PCDHGB2: variants seen among roughly 807,000 people sequenced by gnomAD.
The protein encoded by PCDHGB2 is protocadherin gamma-B2.
A neutral mutation model predicts 59.3 loss-of-function variants in PCDHGB2; 55 were observed. That is an observed-to-expected ratio of 0.93 (90% CI 0.75 to 1.16). The LOEUF (loss-of-function observed/expected upper bound fraction) is 1.16, where lower values mean the gene tolerates loss of function less well. PCDHGB2 is among the 50% of genes most tolerant of loss of function. The pLI, the probability that PCDHGB2 is intolerant of heterozygous loss-of-function variation, is 0.00. For synonymous variants in PCDHGB2, 516 were observed against 512.0 expected (o/e 1.01, Z -0.11); for missense variants, 1,228 against 1,198.5 (o/e 1.02, Z -0.36).
chr5:141,404,555 A>G (rs751841732), intron 1 of PCDHGB2: 1 of 1,613,802 alleles, frequency 6.2e-7, no homozygotes, highest in African/African-American at 1.3e-5. Flanking sequence ...GGTGACGGCA[A>G]GTGACAGTGG....
intron 1 of PCDHGB2, chr5:141,383,176 G>A: frequency 6.2e-7 from 1 of 1,614,122 alleles, no homozygotes; most frequent in Non-Finnish European, 8.5e-7. Flanking sequence ...GATAGACCGG[G>A]AAGAGATCTG....
chr5:141,423,009 G>T (rs371209178), intron 1 of PCDHGB2: 3 of 1,614,222 alleles, frequency 1.9e-6, no homozygotes, highest in Non-Finnish European at 2.5e-6. Context: ...AGGTGGTTGC[G>T]GTGGACAAAG....
chr5:141,424,786 T>G (rs1219509852), intron 1 of PCDHGB2: 1 of 152,210 alleles, frequency 6.6e-6, no homozygotes, highest in Non-Finnish European at 1.5e-5. Flanking sequence ...ATTCAGTTCT[T>G]TTATTCAGAC....
intron 1 of PCDHGB2, chr5:141,418,409 G>A (rs2096254230): frequency 6.2e-7 from 1 of 1,613,792 alleles, no homozygotes; most frequent in African/African-American, 1.3e-5. Context: ...GGTGGAGAAA[G>A]ACAATCCTGA....
intron 1 of PCDHGB2, chr5:141,414,831 G>A (rs1230752323): frequency 1.9e-6 from 3 of 1,614,212 alleles, no homozygotes; most frequent in Admixed American, 1.7e-5. Flanking sequence ...ACGTGTCGTT[G>A]AGCCTGTTTG....
chr5:141,402,979 C>G (rs372858164), intron 1 of PCDHGB2: 9 of 1,608,716 alleles, frequency 5.6e-6, no homozygotes, highest in Non-Finnish European at 7.6e-6. Flanking sequence ...AATGCCAGCT[C>G]CGCGGAAGAT....
intron 1 of PCDHGB2, chr5:141,376,053 C>A (rs1453617614): frequency 6.2e-7 from 1 of 1,613,372 alleles, no homozygotes; most frequent in African/African-American, 1.3e-5. Flanking sequence ...CTCTCCGCCA[C>A]TGTCACGCTC....
rs1308866536 is a variant in PCDHGB2 at position 141,464,896 on chromosome 5, GT to G, written c.2422-29910del. On this transcript the variant is annotated intron_variant, in intron 1 of 3. Coordinates refer to ENST00000522605, the MANE Select transcript of PCDHGB2 (RefSeq NM_018923.3). ...TAGGACTACAGATGGATGCCACCAT[GT>G]CCAGCTAATTTTTTTATTTTTTTGT... 2.0e-5 allele frequency among the ~76,000 whole-genome samples: 3 copies of G among 151,672 alleles called. No homozygotes were observed. The East Asian group carries it at 5.8e-4, about 30-fold the overall frequency.
At chr5:141,385,369 G>T in intron 1 of PCDHGB2, 1 of 1,532,174 alleles carries the variant, frequency 6.5e-7, no homozygotes, top group Admixed American at 2.2e-5. Context: ...TTATTTGCAT[G>T]ATATTTCTCT....
intron 1 of PCDHGB2, chr5:141,403,041 A>T: frequency 6.2e-7 from 1 of 1,614,084 alleles, no homozygotes; most frequent in Non-Finnish European, 8.5e-7. Flanking sequence ...AGGGCCAGTC[A>T]GATTCGCTAC....
intron 1 of PCDHGB2, among the ~76,000 whole-genome samples, chr5:141,492,090 C>T (rs751238997): frequency 1.4e-4 from 21 of 152,258 alleles, no homozygotes; most frequent in Admixed American, 6.5e-5. Flanking sequence ...GCACGCTTCG[C>T]CGGTCTGTAG....
intron 1 of PCDHGB2, among the ~76,000 whole-genome samples, chr5:141,439,076 C>G (rs1358035789): frequency 6.6e-6 from 1 of 151,590 alleles, no homozygotes; most frequent in East Asian, 2.0e-4. Context: ...GCCTGTAATC[C>G]CAGCTACTCA....
At chr5:141,408,936 A>T in intron 1 of PCDHGB2, 4 of 1,613,548 alleles carry the variant, frequency 2.5e-6, no homozygotes, top group Non-Finnish European at 1.7e-6. Flanking sequence ...TTCAGCAGAG[A>T]CGAATATAGA....
At chr5:141,365,669 G>A (rs1304025932) in intron 1 of PCDHGB2, 2 of 1,613,344 alleles carry the variant, frequency 1.2e-6, no homozygotes, top group Admixed American at 3.3e-5. Flanking sequence ...AGACGTTAAT[G>A]ACAACCCACC....
At chr5:141,482,205 C>T (rs1478729653) in intron 1 of PCDHGB2, among the ~76,000 whole-genome samples, 1 of 151,896 alleles carries the variant, frequency 6.6e-6, no homozygotes, top group Non-Finnish European at 1.5e-5. Context: ...TAAAACAGAC[C>T]AGGTACTTGT....
chr5:141,485,887 C>T lies in PCDHGB2; in HGVS notation c.2422-8920C>T. 1 of 1,614,098 alleles carries T rather than the reference C, an allele frequency of 6.2e-7. No homozygotes were observed. On this transcript the variant is annotated intron_variant, in intron 1 of 3. Transcript: ENST00000522605. The surrounding 1 kb of genome is among the most constrained non-coding windows in gnomAD (Gnocchi z 5.7). ...TATCCGTGCTGGACGTAAACGACAA[C>T]GCCCCAGCCTTCCAGCAATCCAGCT...
chr5:141,375,833 C>G, intron 1 of PCDHGB2: 1 of 1,614,152 alleles, frequency 6.2e-7, no homozygotes, highest in South Asian at 1.1e-5. Flanking sequence ...CTCCGCAGAG[C>G]CCGGCTACCT....
At chr5:141,496,121 C>G (rs1391009290) in intron 2 of PCDHGB2, among the ~76,000 whole-genome samples, 1 of 152,088 alleles carries the variant, frequency 6.6e-6, no homozygotes, top group Non-Finnish European at 1.5e-5. Context: ...TCCTTCCCTG[C>G]CCCTCACACA....
Position 141,437,358 on chromosome 5 carries a change from T to C in PCDHGB2, c.2422-57449T>C, listed in dbSNP as rs115917828. ...CTTCACTGTTTTATAGTACCTAAAATTGGAATGTAATCAGTCAGAAGACAT... is the reference window on the plus strand; with the variant it reads ...CTTCACTGTTTTATAGTACCTAAAACTGGAATGTAATCAGTCAGAAGACAT... On this transcript the variant is annotated intron_variant, in intron 1 of 3. Coordinates refer to ENST00000522605, the MANE Select transcript of PCDHGB2 (RefSeq NM_018923.3). 4.6e-3 allele frequency among the ~76,000 whole-genome samples: 702 copies of C among 152,356 alleles called. 4 individuals carry two copies. Among genetic ancestry groups the C allele is most frequent in the African/African-American group, 0.015 (639 of 41,574 alleles).
Sources: allele counts gnomAD v4.1 joint callset (sites outside exome capture counted in the v4.1 genomes callset), GRCh38; gene constraint gnomAD v4.1.1; non-coding constraint Gnocchi (gnomAD v3.1); transcripts MANE v1.5; gene names NCBI Gene and HGNC (gene_info 2026-07-23, HGNC 2026-07-21).